Variants in SDCBP observed in about 807,000 individuals in gnomAD.
SDCBP encodes syntenin-1.
Under a neutral mutation model 30.5 loss-of-function variants are expected in SDCBP, and 22 were observed. That is an observed-to-expected ratio of 0.72 (90% CI 0.52 to 1.03). The LOEUF (loss-of-function observed/expected upper bound fraction) is 1.03, where lower values mean the gene tolerates loss of function less well. Ranked by LOEUF, SDCBP falls within the 50% of genes least tolerant of loss-of-function variation. The probability of loss-of-function intolerance (pLI) is 0.00; values close to 1 mark genes in which losing one functional copy is unlikely to be tolerated. For synonymous variants in SDCBP, 103 were observed against 118.7 expected (o/e 0.87, Z 0.86); for missense variants, 304 against 369.9 (o/e 0.82, Z 1.46).
In SDCBP at chr8:58,581,029, G is replaced by C. The variant is rs532719852; in HGVS notation, c.842+421G>C. Among the ~76,000 whole-genome samples, 15 of 152,280 alleles carry C rather than the reference G, an allele frequency of 9.9e-5. No homozygotes were observed. In the East Asian group the frequency reaches 2.1e-3, roughly 22 times the overall value. On this transcript the variant is annotated intron_variant, in intron 8 of 8. Coordinates refer to ENST00000260130, the MANE Select transcript of SDCBP (RefSeq NM_005625.4). The stretch of plus-strand genomic sequence containing the variant: ...CTTCTCTCCAGAATCTCAAGAGGCA[G>C]ATAGACAAGTGTGGTGTGTTGGTGC...
Position 58,576,061 on chromosome 8 carries a change from TGTAA to T in SDCBP, c.402+4_402+7del. On this transcript the variant is annotated splice_donor_variant and splice_donor_region_variant and intron_variant, in intron 5 of 8. Transcript: ENST00000260130. LOFTEE classifies it high-confidence loss of function. ...GACTCAGGCTTAAATCAATAGATAA[TGTAA>T]GTATTTTAAATACCTATTTGAATTT... 1 of 1,601,150 alleles carries T rather than the reference TGTAA, an allele frequency of 6.2e-7. No homozygotes were observed. Among genetic ancestry groups the T allele is most frequent in the South Asian group, 1.1e-5 (1 of 90,540 alleles).
intron 1 of SDCBP, chr8:58,560,646 C>A (rs1804385785): frequency 6.6e-6 from 1 of 152,172 alleles, no homozygotes; most frequent in African/African-American, 2.4e-5. Context: ...ATTATGAGAT[C>A]CTGAAAAAGG....
Position 58,572,221 on chromosome 8 carries a change from G to A in SDCBP, c.147G>A (p.Leu49=). The A allele has an allele frequency of 8.7e-6, 14 of 1,604,054 alleles. No homozygotes were observed. The highest frequency in any genetic ancestry group is 1.1e-5 in the Non-Finnish European group (13 of 1,172,642). The change falls in exon 4 of 9, where the codon CTG becomes CTA. Residue 49 remains leucine (L), a synonymous_variant. Transcript: ENST00000260130. ...ACTTTTTAGATCTCTATCCCAGACT[G>A]TATCCAGAGCTCTCTCAATACATGG... is the stretch of plus-strand genomic sequence containing the variant. The part of the protein sequence containing the change: ...IPHDGNLYPR[L]YPELSQYMGL...
chr8:58,565,231 C>A (rs1010685963), intron 2 of SDCBP, 147 bp downstream of exon 2: 63 of 412,192 alleles, frequency 1.5e-4, no homozygotes, highest in African/African-American at 1.3e-3. Context: ...TAATTGCAGA[C>A]TGAAAAGTTT....
At chr8:58,569,915 A>C (rs1804922180) in intron 2 of SDCBP, among the ~76,000 whole-genome samples, 1 of 152,212 alleles carries the variant, frequency 6.6e-6, no homozygotes, top group South Asian at 2.1e-4. Flanking sequence ...GTACCATTCA[A>C]AGCTTTCATA....
intron 1 of SDCBP, among the ~76,000 whole-genome samples, chr8:58,556,643 A>G (rs1804119459): frequency 6.6e-6 from 1 of 151,932 alleles, no homozygotes. Context: ...TTCCTACTTC[A>G]TTAATCAGAA....
intron 2 of SDCBP, among the ~76,000 whole-genome samples, chr8:58,566,536 A>G (rs978836434): frequency 1.3e-5 from 2 of 152,208 alleles, no homozygotes; most frequent in Admixed American, 1.3e-4. Flanking sequence ...ACATTAAAGA[A>G]CGTTTTATGT....
chr8:58,580,926 C>T (rs2129608486), intron 8 of SDCBP, among the ~76,000 whole-genome samples: 1 of 152,272 alleles, frequency 6.6e-6, no homozygotes, highest in Non-Finnish European at 1.5e-5. Flanking sequence ...GCCTACCACC[C>T]CTCTGCTCAG....
intron 7 of SDCBP, 131 bp from the exon 8 acceptor site, chr8:58,580,386 G>C (rs766862786): frequency 5.4e-5 from 32 of 588,348 alleles, no homozygotes; most frequent in Non-Finnish European, 8.4e-5. Context: ...AATTAAACTT[G>C]GTAAGAAATA....
chr8:58,560,270 CTGGT>C (rs1172055369), intron 1 of SDCBP: 6 of 152,374 alleles, frequency 3.9e-5, no homozygotes, highest in Non-Finnish European at 8.8e-5. Context: ...CTGACAGGGG[CTGGT>C]GTATTCCAGG....
chr8:58,558,324 C>G (rs1156990034), intron 1 of SDCBP, among the ~76,000 whole-genome samples: 2 of 152,104 alleles, frequency 1.3e-5, no homozygotes, highest in African/African-American at 4.8e-5. Flanking sequence ...TCTGTCCACC[C>G]AGGTTAGAAT....
At chr8:58,557,301 T>G (rs1297091570) in intron 1 of SDCBP, among the ~76,000 whole-genome samples, 2 of 131,410 alleles carry the variant, frequency 1.5e-5, no homozygotes, top group Non-Finnish European at 3.1e-5. Context: ...TAGATATTTA[T>G]ATTTAATTAT....
At chr8:58,558,740 G>T (rs536110975) in intron 1 of SDCBP, among the ~76,000 whole-genome samples, 26 of 152,302 alleles carry the variant, frequency 1.7e-4, no homozygotes, top group Middle Eastern at 3.4e-3. Context: ...AGCCTTCAAA[G>T]TCACCCTCTT....
At chr8:58,559,706 C>A (rs1203936304) in intron 1 of SDCBP, among the ~76,000 whole-genome samples, 2 of 152,120 alleles carry the variant, frequency 1.3e-5, no homozygotes, top group African/African-American at 4.8e-5. Flanking sequence ...CAATAGAAAG[C>A]TCATATGCTT....
rs970860972 is a variant in SDCBP, at chr8:58,581,897, T to C, written c.*157T>C. The C allele has an allele frequency of 4.8e-6, 3 of 621,846 alleles. No individual in the cohort carries two copies. Among genetic ancestry groups the C allele is most frequent in the Non-Finnish European group, 8.6e-6 (3 of 349,000 alleles). 38.5% of individuals were successfully genotyped at this position (621,846 alleles called of 1,614,324 possible). ...TGGCTGGGAATCTTACTCTTTCATC[T>C]GATACCTTGTTCAGATTTCAAAATA... On this transcript the variant is annotated 3_prime_UTR_variant, in exon 9 of 9. Transcript: ENST00000260130.
intron 2 of SDCBP, among the ~76,000 whole-genome samples, chr8:58,565,350 G>A (rs1279684350): frequency 6.6e-6 from 1 of 151,406 alleles, no homozygotes; most frequent in African/African-American, 2.4e-5. Flanking sequence ...TTAATTATAT[G>A]TAACATATTT....
intron 5 of SDCBP, 48 bp from the exon 6 acceptor site, chr8:58,577,985 C>T (rs761750310): frequency 1.7e-5 from 24 of 1,398,652 alleles, no homozygotes; most frequent in Middle Eastern, 2.2e-4. Flanking sequence ...CGTTTAAAAC[C>T]GTATCATAGT....
At position 58,559,010 on chromosome 8, in the gene SDCBP, TC is replaced by T. The variant is rs200903381; in HGVS notation, c.-16+5708del. Among the ~76,000 whole-genome samples the T allele has an allele frequency of 5.5e-4, 84 of 152,246 alleles. 2 individuals carry two copies. The East Asian group carries it at 0.014, about 26-fold the overall frequency. On this transcript the variant is annotated intron_variant, in intron 1 of 8. Coordinates refer to ENST00000260130, the MANE Select transcript of SDCBP (RefSeq NM_005625.4). ...AAAAAACAGTGAGAGTTAATTAAGA[TC>T]AGTACACTTAAAGCAAACCTGAAAC...
At chr8:58,575,244 TTG>T (rs1385035620) in intron 4 of SDCBP, among the ~76,000 whole-genome samples, 2,092 of 152,320 alleles carry the variant, frequency 0.014, 56 homozygotes, top group African/African-American at 0.049. Flanking sequence ...TTCTTTTTGG[TTG>T]GGGAAAGGTT....
Sources: allele counts gnomAD v4.1 joint callset (sites outside exome capture counted in the v4.1 genomes callset), GRCh38; gene constraint gnomAD v4.1.1; transcripts MANE v1.5; gene names NCBI Gene and HGNC (gene_info 2026-07-23, HGNC 2026-07-21).